RFC1: variants seen among roughly 807,000 people sequenced by gnomAD.
RFC1 encodes replication factor C subunit 1, also known as A1 140 kDa subunit.
RFC1 carries 37 observed loss-of-function variants against 137.4 expected under a neutral mutation model. The ratio of observed to expected loss-of-function variants is 0.27; its 90% CI spans 0.21 to 0.35. The LOEUF (loss-of-function observed/expected upper bound fraction) is 0.35. RFC1 is among the 10% of genes least tolerant of loss of function. The pLI is 1.00. For synonymous variants in RFC1, 429 were observed against 455.7 expected (o/e 0.94, Z 0.75); for missense variants, 1,205 against 1,358.5 (o/e 0.89, Z 1.78).
In RFC1 at chr4:39,308,955, C is replaced by T. The variant is rs1738829085; in HGVS notation, c.1566G>A (p.Lys522=). The T allele has an allele frequency of 1.2e-6, 2 of 1,613,548 alleles. No individual in the cohort carries two copies. Among genetic ancestry groups the T allele is most frequent in the African/African-American group, 1.3e-5 (1 of 74,810 alleles). Residue 522 remains lysine (K), a synonymous_variant, in exon 13 of 25, where the codon AAG becomes AAA. Transcript: ENST00000349703. Reference sequence around the variant, plus strand: ...GCCTGCTCTTTTTAGATTCTGATTCCTTTTTAGATGGACTAATTTTTCTTT... The same window carrying T: ...GCCTGCTCTTTTTAGATTCTGATTCTTTTTTAGATGGACTAATTTTTCTTT... ...QGKRKISPSK[K]ESESKKSRPT... is the part of the protein sequence containing the mutation.
At chr4:39,301,859 T>C (rs2123028) in intron 19 of RFC1, among the ~76,000 whole-genome samples, 68,913 of 152,040 alleles carry the variant, frequency 0.45, 18,642 homozygotes, top group East Asian at 0.63. Flanking sequence ...GCTCTAACTA[T>C]AAATTCTGAT....
In RFC1 at chr4:39,346,579, G is replaced by A. The variant is rs570492515; in HGVS notation, c.133-1103C>T. Among the ~76,000 whole-genome samples, 11 of 151,812 alleles carry A rather than the reference G, an allele frequency of 7.2e-5. No homozygotes were observed. The South Asian group carries it at 2.1e-3, about 29-fold the overall frequency. On this transcript the variant is annotated intron_variant, in intron 2 of 24. Coordinates refer to ENST00000349703, the MANE Select transcript of RFC1 (RefSeq NM_002913.5). ...TAACATATTCAAATTTTCTCAGAAA[G>A]CATCAAGAAGGCAGTGAAAAAACTG...
intron 12 of RFC1, 83 bp from the exon 13 acceptor site, chr4:39,309,115 A>C: frequency 7.0e-7 from 1 of 1,428,988 alleles, no homozygotes; most frequent in Non-Finnish European, 9.3e-7. Context: ...TACAGAGAGC[A>C]ATCAGAGATA....
chr4:39,345,620 A>C lies in RFC1; in HGVS notation c.133-144T>G, dbSNP rs1312121832. 1.0e-5 allele frequency: 6 copies of C among 586,810 alleles called. No individual in the cohort carries two copies. The East Asian group carries it at 1.9e-4, about 18-fold the overall frequency. The allele number at this position is 586,810 out of a possible 1,614,324, so 36.4% of individuals were successfully genotyped here. On this transcript the variant is annotated intron_variant, in intron 2 of 24. Coordinates refer to ENST00000349703, the MANE Select transcript of RFC1 (RefSeq NM_002913.5). ...ACTGCAAGCTCCGCCTCCCAGGTTC[A>C]CGCCATTCTCCTGCCTCAGCCTTCT... is the stretch of plus-strand genomic sequence containing the variant.
chr4:39,293,681 C>T (rs1560586855), intron 22 of RFC1, among the ~76,000 whole-genome samples: 1 of 151,674 alleles, frequency 6.6e-6, no homozygotes, highest in Non-Finnish European at 1.5e-5. Context: ...CAGTTCCCAC[C>T]CCCAAAAATG....
At chr4:39,355,186 G>T (rs1469902178) in intron 1 of RFC1, among the ~76,000 whole-genome samples, 1 of 145,688 alleles carries the variant, frequency 6.9e-6, no homozygotes, top group Non-Finnish European at 1.5e-5. Flanking sequence ...ACTTTGAGAG[G>T]CCAAGGCGGG....
chr4:39,334,767 T>C (rs1740274748), intron 4 of RFC1, among the ~76,000 whole-genome samples: 1 of 152,210 alleles, frequency 6.6e-6, no homozygotes, highest in African/African-American at 2.4e-5. Flanking sequence ...TGTCTTCTTG[T>C]AAAAACACCA....
chr4:39,327,233 A>G (rs1044527089), intron 5 of RFC1, among the ~76,000 whole-genome samples: 1 of 152,204 alleles, frequency 6.6e-6, no homozygotes, highest in Non-Finnish European at 1.5e-5. Flanking sequence ...GGTTGAGGTC[A>G]ATAGTAAAAT....
At chr4:39,335,019 T>TA (rs1284259245) in intron 4 of RFC1, among the ~76,000 whole-genome samples, 4 of 152,362 alleles carry the variant, frequency 2.6e-5, no homozygotes, top group Non-Finnish European at 4.4e-5. Context: ...CTGGAATTCA[T>TA]ACTGCTGAGA....
At chr4:39,342,267 G>C in intron 4 of RFC1, 78 bp downstream of exon 4, 3 of 1,443,636 alleles carry the variant, frequency 2.1e-6, no homozygotes, top group Non-Finnish European at 2.8e-6. Flanking sequence ...TCAAAGTGAA[G>C]GAGGTACATT....
At chr4:39,354,664 T>TC in intron 1 of RFC1, among the ~76,000 whole-genome samples, 1 of 139,590 alleles carries the variant, frequency 7.2e-6, no homozygotes, top group Non-Finnish European at 1.5e-5. Context: ...ACACCTACAG[T>TC]CCCAGGTACC....
At chr4:39,332,265 A>G (rs1202740894) in intron 4 of RFC1, among the ~76,000 whole-genome samples, 1 of 152,034 alleles carries the variant, frequency 6.6e-6, no homozygotes, top group Non-Finnish European at 1.5e-5. Context: ...GAACTCTCTG[A>G]CCCCTTAGCT....
intron 14 of RFC1, 91 bp downstream of exon 14, chr4:39,306,497 CACAT>C: frequency 2.9e-6 from 2 of 678,754 alleles, no homozygotes; most frequent in East Asian, 2.7e-5. Flanking sequence ...ACCACACACA[CACAT>C]GCACACGCAC....
At chr4:39,310,008 G>A (rs937161054) in intron 12 of RFC1, among the ~76,000 whole-genome samples, 2 of 152,146 alleles carry the variant, frequency 1.3e-5, no homozygotes, top group Admixed American at 1.3e-4. Flanking sequence ...TCAGTGGGAT[G>A]CTGAATCATC....
chr4:39,293,486 C>T (rs1737801588), intron 22 of RFC1, among the ~76,000 whole-genome samples: 1 of 152,136 alleles, frequency 6.6e-6, no homozygotes, highest in Non-Finnish European at 1.5e-5. Context: ...AAAAAGGTTA[C>T]AAACCAATAA....
rs369009654 is a variant in RFC1 at position 39,342,378 on chromosome 4, G to A, written c.298C>T (p.Arg100Trp). The part of the protein sequence containing the change: ...PVSSKPGKIS[R>W]QDPVTYISET... Reference sequence around the variant, plus strand: ...GAAATGTATGTAACAGGATCCTGCCGTGAAATTTTACCAGGTTTAGAAGAT... The same window carrying A: ...GAAATGTATGTAACAGGATCCTGCCATGAAATTTTACCAGGTTTAGAAGAT... Residue 100 changes from arginine (R) to tryptophan (W), a missense_variant, in exon 4 of 25, where the codon CGG becomes TGG. This residue lies in a region of RFC1 where 962 missense variants were observed against 1,035.3 expected (regional missense o/e 0.93). Coordinates refer to ENST00000349703, the MANE Select transcript of RFC1 (RefSeq NM_002913.5). 9 of 1,613,018 alleles carry A rather than the reference G, an allele frequency of 5.6e-6. No individual in the cohort carries two copies. The highest frequency in any genetic ancestry group is 4.0e-5 in the African/African-American group (3 of 74,856).
rs751644864 is a variant in RFC1 at position 39,351,429 on chromosome 4, T to G, written c.51A>C (p.Val17=). The change falls in exon 2 of 25, where the codon GTA becomes GTC. Residue 17 remains valine (V), a synonymous_variant. Coordinates refer to ENST00000349703, the MANE Select transcript of RFC1 (RefSeq NM_002913.5). ...FGVIPSGKKL[V]SETVKKNEKT... is the part of the protein sequence containing the mutation. ...TCTCATTCTTCTTTACTGTTTCACT[T>G]ACAAGTTTCTTTCCACTTGGTATTA... 6.3e-7 allele frequency: 1 copy of G among 1,581,108 alleles called. No homozygotes were observed. The highest frequency in any genetic ancestry group is 8.6e-7 in the Non-Finnish European group (1 of 1,166,300).
chr4:39,361,117 G>A (rs947441405), intron 1 of RFC1, among the ~76,000 whole-genome samples: 2 of 152,164 alleles, frequency 1.3e-5, no homozygotes, highest in African/African-American at 4.8e-5. Context: ...AGCCAGGCAC[G>A]ATGGCTCACG....
At chr4:39,307,011 G>A (rs1007872318) in intron 13 of RFC1, among the ~76,000 whole-genome samples, 2 of 152,100 alleles carry the variant, frequency 1.3e-5, no homozygotes, top group Non-Finnish European at 2.9e-5. Context: ...GCCGGGGCTC[G>A]ATCCCAACTC....
Sources: gnomAD v4.1 joint callset for allele counts (sites outside exome capture counted in the v4.1 genomes callset) on GRCh38, gnomAD v4.1.1 for gene constraint, gnomAD v4.1.1 regional missense constraint, MANE v1.5 for transcripts, NCBI Gene and HGNC (gene_info 2026-07-23, HGNC 2026-07-21) for gene names.